Variants in USH2A observed in about 807,000 individuals in gnomAD.
USH2A encodes the protein usherin.
Under a neutral mutation model 538.9 loss-of-function variants are expected in USH2A, and 443 were observed. The ratio of observed to expected loss-of-function variants is 0.82; its 90% CI spans 0.76 to 0.89. The LOEUF is 0.89. Among genes scored for constraint, USH2A ranks in the 40% least tolerant of loss-of-function variants. USH2A has a pLI of 0.00. For synonymous variants in USH2A, 2,413 were observed against 2,273.5 expected (o/e 1.06, Z -1.75); for missense variants, 6,633 against 6,324.8 (o/e 1.05, Z -1.65).
intron 44 of USH2A, among the ~76,000 whole-genome samples, chr1:215,864,366 C>A (rs1480310460): frequency 1.3e-5 from 2 of 151,990 alleles, no homozygotes; most frequent in African/African-American, 4.8e-5. Context: ...AATACAAAAA[C>A]TGTGATTTTT....
At chr1:215,937,873 T>C (rs1021688610) in intron 37 of USH2A, among the ~76,000 whole-genome samples, 2 of 151,938 alleles carry the variant, frequency 1.3e-5, no homozygotes, top group African/African-American at 4.8e-5. Flanking sequence ...GTGAAGTTTT[T>C]TCCATTGCAT....
chr1:215,986,928 C>A (rs1667886278), intron 35 of USH2A, among the ~76,000 whole-genome samples: 1 of 152,080 alleles, frequency 6.6e-6, no homozygotes, highest in South Asian at 2.1e-4. Flanking sequence ...CCTCATGGGG[C>A]TCAGTCTAAT....
chr1:215,769,175 A>T (rs1310686016), intron 55 of USH2A, among the ~76,000 whole-genome samples: 2 of 152,242 alleles, frequency 1.3e-5, no homozygotes, highest in Non-Finnish European at 2.9e-5. Flanking sequence ...TTTTTTCCTG[A>T]ATGCCAGATG....
At position 216,190,372 on chromosome 1, in the gene USH2A, A is replaced by T. The variant is rs780213943; in HGVS notation, c.4252-5T>A. On this transcript the variant is annotated splice_region_variant and splice_polypyrimidine_tract_variant and intron_variant, in intron 19 of 71. Transcript: ENST00000307340. ...GGATTTAGCAGTGTGCAACAGCTTC[A>T]AGGCAAAAAAGAAAGAAAGAAAGAA... The T allele has an allele frequency of 6.2e-7, 1 of 1,610,412 alleles. No individual in the cohort carries two copies. Among genetic ancestry groups the T allele is most frequent in the Non-Finnish European group, 8.5e-7 (1 of 1,178,578 alleles).
chr1:216,089,054 T>G lies in USH2A; in HGVS notation c.4844A>C (p.His1615Pro), dbSNP rs979510077. Residue 1615 changes from histidine (H) to proline (P), a missense_variant, in exon 23 of 72, where the codon CAT (histidine) becomes CCT (proline). His to Pro is a moderately conservative substitution (Grantham distance 77). Transcript: ENST00000307340. ...GKWHEIIAIR[H>P]QAFGQITLDG... ...CAGAGTGATTTGGCCAAAAGCCTGATGCCTAATAGCAATTATTTCATGCCA... is the reference window on the plus strand; with the variant it reads ...CAGAGTGATTTGGCCAAAAGCCTGAGGCCTAATAGCAATTATTTCATGCCA... 3 of 1,613,468 alleles carry G rather than the reference T, an allele frequency of 1.9e-6. No homozygotes were observed. The highest frequency in any genetic ancestry group is 2.5e-6 in the Non-Finnish European group (3 of 1,179,648).
chr1:215,725,989 G>T (rs532025426), intron 61 of USH2A, among the ~76,000 whole-genome samples: 2 of 152,308 alleles, frequency 1.3e-5, no homozygotes, highest in Admixed American at 1.3e-4. Flanking sequence ...AATTCCAATA[G>T]AACTGTTTCG....
At chr1:215,919,259 C>T (rs1158952347) in intron 38 of USH2A, among the ~76,000 whole-genome samples, 2 of 152,070 alleles carry the variant, frequency 1.3e-5, no homozygotes, top group Non-Finnish European at 2.9e-5. Flanking sequence ...TTTGCTGCTG[C>T]CTAATCTTCT....
At chr1:216,185,066 A>C (rs1392378650) in intron 20 of USH2A, among the ~76,000 whole-genome samples, 1 of 151,950 alleles carries the variant, frequency 6.6e-6, no homozygotes, top group Non-Finnish European at 1.5e-5. Flanking sequence ...TCTCGGATTA[A>C]AAGGAGAATC....
At position 215,634,543 on chromosome 1, in the gene USH2A, T is replaced by C. The variant is rs374383485; in HGVS notation, c.15213A>G (p.Pro5071=). 3.1e-6 allele frequency: 5 copies of C among 1,614,092 alleles called. No homozygotes were observed. The highest frequency in any genetic ancestry group is 2.7e-5 in the African/African-American group (2 of 74,942). Residue 5071 remains proline, a synonymous_variant, in exon 70 of 72, where the codon CCA becomes CCG. Coordinates refer to ENST00000307340, the MANE Select transcript of USH2A (RefSeq NM_206933.4). Reference sequence around the variant, plus strand: ...CCAAGGGAGGTCTTTCTCTGATATATGGCTCTTTGTGGATTTTTCTTTGTA... The same window carrying C: ...CCAAGGGAGGTCTTTCTCTGATATACGGCTCTTTGTGGATTTTTCTTTGTA... ...LILQRKIHKE[P]YIRERPPLVP...
chr1:215,633,749 C>T (rs1171242564), intron 70 of USH2A, among the ~76,000 whole-genome samples: 1 of 152,148 alleles, frequency 6.6e-6, no homozygotes, highest in African/African-American at 2.4e-5. Flanking sequence ...CGCAGCCTTT[C>T]CTCCTCCAGG....
chr1:215,809,920 C>A (rs1034514359), intron 49 of USH2A, among the ~76,000 whole-genome samples: 3 of 152,148 alleles, frequency 2.0e-5, no homozygotes, highest in South Asian at 2.1e-4. Context: ...GGGACCATTG[C>A]GCTTTTTTCC....
intron 21 of USH2A, among the ~76,000 whole-genome samples, chr1:216,147,060 C>T (rs2033720593): frequency 6.6e-6 from 1 of 152,174 alleles, no homozygotes; most frequent in African/African-American, 2.4e-5. Flanking sequence ...TCCAGGCATT[C>T]TTTTACACAT....
In USH2A at chr1:215,798,939, C is replaced by T. The variant is rs1662219482; in HGVS notation, c.9926G>A (p.Gly3309Glu). The change falls in exon 50 of 72, where the codon GGA (glycine) becomes GAA (glutamate). Residue 3309 changes from glycine to glutamate, a missense_variant. By Grantham distance (98) the Gly-to-Glu change is moderately conservative. Coordinates refer to ENST00000307340, the MANE Select transcript of USH2A (RefSeq NM_206933.4). Reference protein sequence around the residue: ...IVSNDLECCGGEEGVVYNRLP... With the variant: ...IVSNDLECCGEEEGVVYNRLP... ...GCGATTGTACACCACTCCTTCTTCT[C>T]CACCACAACACTCTAAATCGTTGCT... 6.2e-7 allele frequency: 1 copy of T among 1,613,946 alleles called. No individual in the cohort carries two copies. Among genetic ancestry groups the T allele is most frequent in the African/African-American group, 1.3e-5 (1 of 74,928 alleles).
intron 3 of USH2A, among the ~76,000 whole-genome samples, chr1:216,370,689 A>AAAAAAAAAAAC (rs2038695964): frequency 6.7e-6 from 1 of 150,198 alleles, no homozygotes; most frequent in Non-Finnish European, 1.5e-5. Context: ...AAAAAAAAAA[A>AAAAAAAAAAAC]AAAAAAAAAA....
At chr1:215,977,543 G>A (rs946618917) in intron 35 of USH2A, among the ~76,000 whole-genome samples, 2 of 152,008 alleles carry the variant, frequency 1.3e-5, no homozygotes, top group African/African-American at 2.4e-5. Flanking sequence ...GTCTATCTCT[G>A]TAGCCTAGGC....
In USH2A at chr1:215,867,093, G is replaced by A. The variant is rs1664491355; in HGVS notation, c.8759C>T (p.Thr2920Met). The A allele has an allele frequency of 3.1e-6, 5 of 1,614,052 alleles. No individual in the cohort carries two copies. The highest frequency in any genetic ancestry group is 4.2e-6 in the Non-Finnish European group (5 of 1,179,998). Residue 2920 changes from threonine (T) to methionine (M), a missense_variant, in exon 44 of 72, where the codon ACG (threonine) becomes ATG (methionine). Physicochemically the swap from Thr to Met is moderately conservative, Grantham distance 81 (BLOSUM62 -1). Coordinates refer to ENST00000307340, the MANE Select transcript of USH2A (RefSeq NM_206933.4). ...FTPSREVTVT[T>M]LAGLPERGAN... ...TCCTCTCTCTGGAAGACCAGCTAACGTTGTCACAGTCACTTCTCGGCTCGG... is the reference window on the plus strand; with the variant it reads ...TCCTCTCTCTGGAAGACCAGCTAACATTGTCACAGTCACTTCTCGGCTCGG...
At chr1:216,145,652 G>T (rs188743643) in intron 21 of USH2A, among the ~76,000 whole-genome samples, 1 of 152,176 alleles carries the variant, frequency 6.6e-6, no homozygotes, top group Non-Finnish European at 1.5e-5. Context: ...TGACCTGCAC[G>T]TATACGCCCA....
At position 216,262,883 on chromosome 1, in the gene USH2A, C is replaced by G. The variant is rs77213667; in HGVS notation, c.1972-11785G>C. Among the ~76,000 whole-genome samples the G allele has an allele frequency of 2.7e-3, 403 of 151,722 alleles. 15 individuals are homozygous for G. The East Asian group carries it at 0.073, about 28-fold the overall frequency. ...ATTTTGAAAGATAATATTGACAAAC[C>G]ATTAGCTAGACTGAGAAAAAAAGAA... On this transcript the variant is annotated intron_variant, in intron 11 of 71. Transcript: ENST00000307340.
At chr1:216,405,492 C>G (rs2039380552) in intron 3 of USH2A, among the ~76,000 whole-genome samples, 1 of 152,146 alleles carries the variant, frequency 6.6e-6, no homozygotes, top group Admixed American at 6.5e-5. Flanking sequence ...GATATATTAT[C>G]TATCAGAATG....
Sources: gnomAD v4.1 joint callset for allele counts (sites outside exome capture counted in the v4.1 genomes callset) on GRCh38, gnomAD v4.1.1 for gene constraint, MANE v1.5 for transcripts, NCBI Gene and HGNC (gene_info 2026-07-23, HGNC 2026-07-21) for gene names.